CCDC171: variants seen among roughly 807,000 people sequenced by gnomAD.
CCDC171 encodes the protein coiled-coil domain containing 171, also known as coiled-coil domain-containing protein 171.
CCDC171 carries 177 observed loss-of-function variants against 168.2 expected under a neutral mutation model. That is an observed-to-expected ratio of 1.05 (90% CI 0.93 to 1.19). The LOEUF is 1.19. Among genes scored for constraint, CCDC171 ranks in the 50% most tolerant of loss-of-function variants. CCDC171 has a pLI of 0.00. For synonymous variants in CCDC171, 687 were observed against 540.8 expected, an observed-to-expected ratio of 1.27 and a Z score of -3.75; for missense variants, 1,991 against 1,539.0, an observed-to-expected ratio of 1.29 and a Z score of -4.91.
At chr9:15,843,345 A>C (rs993475251) in intron 21 of CCDC171, among the ~76,000 whole-genome samples, 3 of 152,006 alleles carry the variant, frequency 2.0e-5, no homozygotes, top group Admixed American at 6.6e-5. Context: ...TAGGTAGAAT[A>C]TTTTTTTCTG....
intron 24 of CCDC171, among the ~76,000 whole-genome samples, chr9:15,917,626 G>T (rs900669608): frequency 6.6e-6 from 1 of 151,626 alleles, no homozygotes; most frequent in Non-Finnish European, 1.5e-5. Flanking sequence ...TTTAAAGGGA[G>T]ATTTGAAGGA....
At chr9:15,790,159 C>T (rs936658890) in intron 21 of CCDC171, among the ~76,000 whole-genome samples, 2 of 152,200 alleles carry the variant, frequency 1.3e-5, no homozygotes, top group African/African-American at 4.8e-5. Flanking sequence ...GTTCTAGATA[C>T]TTGAGGAATT....
intron 7 of CCDC171, among the ~76,000 whole-genome samples, chr9:15,652,646 G>A (rs2047618714): frequency 6.6e-6 from 1 of 152,150 alleles, no homozygotes; most frequent in East Asian, 1.9e-4. Context: ...TTACTATGTT[G>A]CCCAGGCTGG....
At chr9:15,589,439 C>T (rs958163068) in intron 4 of CCDC171, among the ~76,000 whole-genome samples, 1 of 152,098 alleles carries the variant, frequency 6.6e-6, no homozygotes, top group African/African-American at 2.4e-5. Context: ...TAAATCCTGC[C>T]ATTTTCATTT....
At chr9:16,065,116 G>A (rs904786737), downstream of CCDC171, among the ~76,000 whole-genome samples, 3 of 152,180 alleles carry the variant, frequency 2.0e-5, no homozygotes, top group African/African-American at 4.8e-5. Flanking sequence ...TCCCAGGTCC[G>A]CCTGCGAGCA....
chr9:15,732,772 A>G (rs2054232857), intron 16 of CCDC171, among the ~76,000 whole-genome samples: 1 of 152,092 alleles, frequency 6.6e-6, no homozygotes, highest in Non-Finnish European at 1.5e-5. Flanking sequence ...TTTTTGTGTG[A>G]TCATAAATTT....
At chr9:15,633,329 A>T (rs531837077) in intron 7 of CCDC171, among the ~76,000 whole-genome samples, 1 of 152,328 alleles carries the variant, frequency 6.6e-6, no homozygotes, top group Admixed American at 6.5e-5. Context: ...TTTACAAGAA[A>T]AAAACAAACA....
At chr9:15,799,378 A>G (rs2058711816) in intron 21 of CCDC171, among the ~76,000 whole-genome samples, 1 of 151,620 alleles carries the variant, frequency 6.6e-6, no homozygotes, top group South Asian at 2.1e-4. Flanking sequence ...GACAAGAAAT[A>G]CGTGTTCATT....
chr9:15,833,158 T>C (rs1262962611), intron 21 of CCDC171, among the ~76,000 whole-genome samples: 4 of 151,914 alleles, frequency 2.6e-5, no homozygotes, highest in Non-Finnish European at 5.9e-5. Flanking sequence ...TGGCTAATTG[T>C]TTTTGTACTT....
intron 9 of CCDC171, among the ~76,000 whole-genome samples, chr9:15,671,430 C>T (rs938337103): frequency 7.2e-5 from 11 of 151,908 alleles, no homozygotes; most frequent in Admixed American, 1.3e-4. Flanking sequence ...ACATGTGCCA[C>T]GTTGGTTTGC....
chr9:15,971,585 A>G, intron 25 of CCDC171, 24 bp from the exon 26 acceptor site: 1 of 1,543,822 alleles, frequency 6.5e-7, no homozygotes, highest in Non-Finnish European at 8.9e-7. Flanking sequence ...TATGTTTATT[A>G]TTTTTTTCTT....
Position 15,618,050 on chromosome 9 carries a change from C to T in CCDC171, c.676-5217C>T, listed in dbSNP as rs114008706. Among the ~76,000 whole-genome samples, 1,159 of 152,256 alleles carry T rather than the reference C, an allele frequency of 7.6e-3. 9 individuals are homozygous for T. Among genetic ancestry groups the T allele is most frequent in the African/African-American group, 0.027 (1,104 of 41,546 alleles). On this transcript the variant is annotated intron_variant, in intron 6 of 25. Coordinates refer to ENST00000380701, the MANE Select transcript of CCDC171 (RefSeq NM_173550.4). ...GGGTGCGCTGTGCTGGGAGAATCCC[C>T]CTTGTCAGGATCAGCCGCTGTCTTC...
At chr9:15,596,479 G>T (rs1205887888) in intron 6 of CCDC171, among the ~76,000 whole-genome samples, 1 of 151,926 alleles carries the variant, frequency 6.6e-6, no homozygotes, top group Non-Finnish European at 1.5e-5. Context: ...ATTTCTGAGG[G>T]CTCTGTTCTG....
chr9:15,563,990 C>G lies in CCDC171; in HGVS notation c.-99C>G. ...ACTATTTTAACAGACCTCAAATCATCTAACGTGAAGCCACAGACATCTTGG... is the reference window on the plus strand; with the variant it reads ...ACTATTTTAACAGACCTCAAATCATGTAACGTGAAGCCACAGACATCTTGG... On this transcript the variant is annotated 5_prime_UTR_variant, in exon 2 of 26. It adds an upstream start codon to the 5' untranslated region. Coordinates refer to ENST00000380701, the MANE Select transcript of CCDC171 (RefSeq NM_173550.4). 3 of 862,630 alleles carry G rather than the reference C, an allele frequency of 3.5e-6. No homozygotes were observed. The highest frequency in any genetic ancestry group is 5.8e-6 in the Non-Finnish European group (3 of 521,656). 53.4% of individuals were successfully genotyped at this position (862,630 alleles called of 1,614,324 possible). A position where few individuals can be genotyped will look rare whatever the true frequency, so the allele number is the denominator to read the frequency against.
chr9:15,637,402 A>G (rs2132443543), intron 7 of CCDC171, among the ~76,000 whole-genome samples: 1 of 152,058 alleles, frequency 6.6e-6, no homozygotes, highest in South Asian at 2.1e-4. Flanking sequence ...TTATTGGTTG[A>G]TGTTATAGGT....
intron 21 of CCDC171, among the ~76,000 whole-genome samples, chr9:15,801,809 T>TG (rs1564434179): frequency 1.3e-5 from 2 of 152,058 alleles, no homozygotes; most frequent in South Asian, 2.1e-4. Context: ...CCATTTTTTT[T>TG]AGGCTTTTTT....
intron 23 of CCDC171, among the ~76,000 whole-genome samples, chr9:15,849,558 T>C (rs1472050969): frequency 1.3e-5 from 2 of 151,668 alleles, no homozygotes; most frequent in Non-Finnish European, 3.0e-5. Context: ...AAAAACATAA[T>C]ATATTTATTG....
At chr9:16,077,947 A>T in the CCDC171 span, among the ~76,000 whole-genome samples, 1 of 152,186 alleles carries the variant, frequency 6.6e-6, no homozygotes, top group Non-Finnish European at 1.5e-5. Flanking sequence ...GCAATTTATA[A>T]GATGAATAAA....
In CCDC171 at chr9:15,645,576, T is replaced by A. The variant is rs529451239; in HGVS notation, c.823-11551T>A. On this transcript the variant is annotated intron_variant, in intron 7 of 25. Coordinates refer to ENST00000380701, the MANE Select transcript of CCDC171 (RefSeq NM_173550.4). The stretch of plus-strand genomic sequence containing the variant: ...AATAACCTGACTGAGCTGAAAACCA[T>A]GGCACGAGAACTACGTGATGCATGC... 2.4e-4 allele frequency among the ~76,000 whole-genome samples: 36 copies of A among 152,162 alleles called. 1 individual carries two copies. Among genetic ancestry groups the A allele is most frequent in the Admixed American group, 8.5e-4 (13 of 15,286 alleles).
Sources: allele counts gnomAD v4.1 joint callset (sites outside exome capture counted in the v4.1 genomes callset), GRCh38; gene constraint gnomAD v4.1.1; transcripts MANE v1.5; gene names NCBI Gene and HGNC (gene_info 2026-07-23, HGNC 2026-07-21).